The following KIF26B variants were observed in gnomAD, a reference collection of about 807,000 sequenced individuals.
KIF26B encodes the protein kinesin-like protein KIF26B.
In KIF26B, 63 loss-of-function variants were observed where a neutral mutation model predicts 151.2. The observed-to-expected ratio is 0.42, with a 90% CI of 0.34 to 0.51. The LOEUF is 0.51. Ranked by LOEUF, KIF26B falls within the 20% of genes least tolerant of loss-of-function variation. KIF26B has a pLI of 0.07. For missense variants in KIF26B, 2,813 were observed against 2,913.6 expected (o/e 0.97, Z 0.79); for synonymous variants, 1,357 against 1,262.1 (o/e 1.08, Z -1.59).
chr1:245,563,600 A>G lies in KIF26B; in HGVS notation c.1350+22650A>G, dbSNP rs548524263. Reference sequence around the variant, plus strand: ...TTCCGGAGGCCTTCAACTCCCACCTATGAAGCAGCCAGTGGCCTCGGGAGT... The same window carrying G: ...TTCCGGAGGCCTTCAACTCCCACCTGTGAAGCAGCCAGTGGCCTCGGGAGT... On this transcript the variant is annotated intron_variant, in intron 5 of 14. Coordinates refer to ENST00000407071, the MANE Select transcript of KIF26B (RefSeq NM_018012.4). This position sits in a 1 kb window ranked among gnomAD's most constrained non-coding sequence, Gnocchi z 4.6. 3.9e-5 allele frequency among the ~76,000 whole-genome samples: 6 copies of G among 152,234 alleles called. No individual in the cohort carries two copies. The highest frequency in any genetic ancestry group is 8.8e-5 in the Non-Finnish European group (6 of 68,016).
chr1:245,432,131 C>T (rs371638146), intron 4 of KIF26B, among the ~76,000 whole-genome samples: 4 of 152,040 alleles, frequency 2.6e-5, no homozygotes, highest in Non-Finnish European at 5.9e-5. Context: ...CCCTCCCTCT[C>T]GCGTGGTACC....
At chr1:245,173,295 G>T (rs1668744413) in intron 2 of KIF26B, among the ~76,000 whole-genome samples, 1 of 152,188 alleles carries the variant, frequency 6.6e-6, no homozygotes, top group Non-Finnish European at 1.5e-5. Flanking sequence ...GCACAATGGT[G>T]GGGGCGTACA....
At chr1:245,256,368 A>C (rs1189032061) in intron 2 of KIF26B, among the ~76,000 whole-genome samples, 1 of 152,186 alleles carries the variant, frequency 6.6e-6, no homozygotes, top group Admixed American at 6.5e-5. Flanking sequence ...TGGAAGCAAA[A>C]TGTTGAATGT....
chr1:245,271,616 ATAT>A (rs534309315), intron 2 of KIF26B, among the ~76,000 whole-genome samples: 1 of 149,292 alleles, frequency 6.7e-6, no homozygotes, highest in East Asian at 2.0e-4. Flanking sequence ...TGAGATGATC[ATAT>A]TATTTTTATC....
chr1:245,205,795 C>T (rs1669393415), intron 2 of KIF26B, among the ~76,000 whole-genome samples: 2 of 151,188 alleles, frequency 1.3e-5, no homozygotes, highest in Non-Finnish European at 2.9e-5. Flanking sequence ...TCACTGAACA[C>T]CTTCTGGGCT....
rs371952052 is a variant in KIF26B, at chr1:245,461,859, A to G, written c.1166+42114A>G. ...CCGGGCATGGTGACTCATGCCAGTA[A>G]TCCCAGCCTTTAGAGAGGCTGAGCC... On this transcript the variant is annotated intron_variant, in intron 4 of 14. Coordinates refer to ENST00000407071, the MANE Select transcript of KIF26B (RefSeq NM_018012.4). Among the ~76,000 whole-genome samples, 44 of 152,300 alleles carry G rather than the reference A, an allele frequency of 2.9e-4. No individual in the cohort carries two copies. The East Asian group carries it at 3.5e-3, about 12-fold the overall frequency.
chr1:245,302,974 G>A (rs1473265512), intron 2 of KIF26B, among the ~76,000 whole-genome samples: 1 of 93,314 alleles, frequency 1.1e-5, no homozygotes, highest in Admixed American at 1.8e-4. Context: ...GGGCAATAGA[G>A]CAAGACTCTG....
intron 4 of KIF26B, among the ~76,000 whole-genome samples, chr1:245,440,890 G>C (rs1174277117): frequency 6.6e-6 from 1 of 152,190 alleles, no homozygotes; most frequent in Admixed American, 6.5e-5. Context: ...TCACAGGCAG[G>C]CTGCCGTAGG....
At chr1:245,605,968 C>G (rs570739058) in intron 6 of KIF26B, among the ~76,000 whole-genome samples, 5 of 152,160 alleles carry the variant, frequency 3.3e-5, no homozygotes, top group Non-Finnish European at 7.3e-5. Flanking sequence ...GATTTCTCAG[C>G]CTCCTGCCTC....
intron 10 of KIF26B, among the ~76,000 whole-genome samples, chr1:245,672,984 G>A (rs929494903): frequency 1.3e-5 from 2 of 152,214 alleles, no homozygotes; most frequent in Admixed American, 6.5e-5. Context: ...GGTTTCCAGA[G>A]CTGGAAAACA....
At chr1:245,377,711 G>T (rs1233882745) in intron 3 of KIF26B, among the ~76,000 whole-genome samples, 1 of 152,110 alleles carries the variant, frequency 6.6e-6, no homozygotes, top group African/African-American at 2.4e-5. Context: ...AGGTACATGC[G>T]GGCTCTTTCC....
intron 2 of KIF26B, among the ~76,000 whole-genome samples, chr1:245,301,048 C>G (rs982886367): frequency 1.3e-5 from 2 of 151,966 alleles, no homozygotes; most frequent in Non-Finnish European, 2.9e-5. Context: ...CCAGGCTGGT[C>G]TCGAACTCCT....
intron 4 of KIF26B, among the ~76,000 whole-genome samples, chr1:245,487,795 C>T (rs1415288868): frequency 2.0e-5 from 3 of 147,340 alleles, no homozygotes; most frequent in Non-Finnish European, 4.5e-5. Flanking sequence ...ACAAGAGTCT[C>T]GCTCTGTCTC....
At chr1:245,313,138 G>A (rs773620401) in intron 2 of KIF26B, among the ~76,000 whole-genome samples, 21 of 152,186 alleles carry the variant, frequency 1.4e-4, no homozygotes, top group African/African-American at 4.8e-4. Flanking sequence ...CAGCCTCGGC[G>A]ACAGAGTGAG....
chr1:245,537,386 G>A (rs982730232), intron 4 of KIF26B, among the ~76,000 whole-genome samples: 1 of 152,198 alleles, frequency 6.6e-6, no homozygotes, highest in Non-Finnish European at 1.5e-5. Context: ...GCCACTGCAA[G>A]TACTTTGGCT....
At chr1:245,344,610 CCTT>C (rs1291694727) in intron 2 of KIF26B, among the ~76,000 whole-genome samples, 1 of 151,730 alleles carries the variant, frequency 6.6e-6, no homozygotes, top group African/African-American at 2.4e-5. Context: ...ACCCTGGAGT[CCTT>C]CTCTGCTTCA....
At chr1:245,460,571 G>A (rs1001842886) in intron 4 of KIF26B, among the ~76,000 whole-genome samples, 10 of 152,190 alleles carry the variant, frequency 6.6e-5, no homozygotes, top group Admixed American at 2.6e-4. Flanking sequence ...TTAGAGTACA[G>A]AAAAAGAAAG....
intron 2 of KIF26B, among the ~76,000 whole-genome samples, chr1:245,186,073 C>T (rs918226967): frequency 5.3e-5 from 8 of 152,124 alleles, no homozygotes; most frequent in African/African-American, 1.9e-4. Context: ...CGGGGTTTCA[C>T]CATGTTGGTC....
At position 245,155,504 on chromosome 1, in the gene KIF26B, C is replaced by G. The variant is rs761596817; in HGVS notation, c.63+17C>G. 4 of 1,601,606 alleles carry G rather than the reference C, an allele frequency of 2.5e-6. No homozygotes were observed. Among genetic ancestry groups the G allele is most frequent in the Non-Finnish European group, 1.7e-6 (2 of 1,171,130 alleles). On this transcript the variant is annotated intron_variant, in intron 1 of 14. Coordinates refer to ENST00000407071, the MANE Select transcript of KIF26B (RefSeq NM_018012.4). The stretch of plus-strand genomic sequence containing the variant: ...AAATACGGGGTAAGTTGTGACGGTA[C>G]GACGCGGAGACGCGTTACCAGACCC...
Sources: gnomAD v4.1 joint callset for allele counts (sites outside exome capture counted in the v4.1 genomes callset) on GRCh38, gnomAD v4.1.1 for gene constraint, Gnocchi (gnomAD v3.1) non-coding constraint, MANE v1.5 for transcripts, NCBI Gene and HGNC (gene_info 2026-07-23, HGNC 2026-07-21) for gene names.